STAT3: variants seen among roughly 807,000 people sequenced by gnomAD.
STAT3 encodes the protein signal transducer and activator of transcription 3, also known as DNA-binding protein APRF.
In STAT3, 7 loss-of-function variants were observed where a neutral mutation model predicts 114.3. The observed-to-expected ratio is 0.06, with a 90% CI of 0.03 to 0.11. The LOEUF is 0.11. STAT3 is among the 10% of genes least tolerant of loss of function. STAT3 has a pLI of 1.00. For missense variants in STAT3, 364 were observed against 960.9 expected (o/e 0.38, Z 8.21); for synonymous variants, 331 against 354.5 (o/e 0.93, Z 0.74).
chr17:42,322,997 C>T lies in STAT3; in HGVS notation c.1888+7G>A, dbSNP rs745680968. 1.9e-6 allele frequency: 3 copies of T among 1,613,310 alleles called. No individual in the cohort carries two copies. The highest frequency in any genetic ancestry group is 2.7e-5 in the African/African-American group (2 of 74,876). On this transcript the variant is annotated splice_region_variant and intron_variant, in intron 20 of 23. Coordinates refer to ENST00000264657, the MANE Select transcript of STAT3 (RefSeq NM_139276.3). ...CAGCAGGTGGGGTGGGTGGGAGCCT[C>T]CCTTACCGCTGATGTCCTTCTCCAC...
At chr17:42,331,999 T>G (rs1306261640) in intron 10 of STAT3, among the ~76,000 whole-genome samples, 1 of 151,708 alleles carries the variant, frequency 6.6e-6, no homozygotes, top group Non-Finnish European at 1.5e-5. Context: ...GCAATCTCCG[T>G]TCACCGCAAC....
In STAT3 at chr17:42,337,681, C is replaced by A; in HGVS notation, c.645+82G>T. On this transcript the variant is annotated intron_variant, in intron 7 of 23. Transcript: ENST00000264657. The surrounding 1 kb of genome is among the most constrained non-coding windows in gnomAD (Gnocchi z 4.0). ...CTCCAGAGCAGGAACTTCTTAGAAACCAAGCAAGTTCTGCCACAAGACGCT... is the reference window on the plus strand; with the variant it reads ...CTCCAGAGCAGGAACTTCTTAGAAAACAAGCAAGTTCTGCCACAAGACGCT... 1.9e-6 allele frequency: 3 copies of A among 1,613,482 alleles called. No homozygotes were observed. The highest frequency in any genetic ancestry group is 2.5e-6 in the Non-Finnish European group (3 of 1,179,480).
At chr17:42,360,167 G>A (rs775855215) in intron 1 of STAT3, among the ~76,000 whole-genome samples, 28 of 151,388 alleles carry the variant, frequency 1.8e-4, no homozygotes, top group Non-Finnish European at 2.5e-4. Flanking sequence ...TTTTCGGAAT[G>A]TCTGTTCTTC....
intron 3 of STAT3, among the ~76,000 whole-genome samples, chr17:42,345,931 T>G (rs2082681902): frequency 6.8e-6 from 1 of 147,662 alleles, no homozygotes; most frequent in African/African-American, 2.5e-5. Context: ...TGGAGTGCAG[T>G]GGCGCAATCA....
At chr17:42,382,723 T>C (rs2084869145) in intron 1 of STAT3, among the ~76,000 whole-genome samples, 1 of 151,890 alleles carries the variant, frequency 6.6e-6, no homozygotes, top group Non-Finnish European at 1.5e-5. Flanking sequence ...CTCAGCTCAC[T>C]GCAAGCTCCG....
intron 11 of STAT3, among the ~76,000 whole-genome samples, chr17:42,330,458 A>T (rs1598408308): frequency 1.0e-5 from 1 of 95,378 alleles, no homozygotes; most frequent in Non-Finnish European, 2.1e-5. Context: ...TTTGAGATGG[A>T]GTCTCTGTCG....
At chr17:42,348,957 A>G (rs906691106) in intron 1 of STAT3, among the ~76,000 whole-genome samples, 19 of 152,034 alleles carry the variant, frequency 1.2e-4, no homozygotes, top group African/African-American at 4.1e-4. Flanking sequence ...TGGCATGATC[A>G]TGGGCTCAAG....
In STAT3 at chr17:42,323,577, C is replaced by G; in HGVS notation, c.1649G>C (p.Cys550Ser). The change falls in exon 18 of 24, where the codon TGC becomes TCC. Residue 550 changes from cysteine (C) to serine (S), a missense_variant. Physicochemically the swap from Cys to Ser is moderately radical, Grantham distance 112 (BLOSUM62 -1). Coordinates refer to ENST00000264657, the MANE Select transcript of STAT3 (RefSeq NM_139276.3). The stretch of plus-strand genomic sequence containing the variant: ...GAATTTAACAAGATTGCTTACTTTG[C>G]AAAATTTAGCCCATGTGATCTGACA... ...SGCQITWAKF[C>S]KENMAGKGFS... is the part of the protein sequence containing the mutation. 6.2e-7 allele frequency: 1 copy of G among 1,614,138 alleles called. No individual in the cohort carries two copies.
rs141766120 is a variant in STAT3 at position 42,329,019 on chromosome 17, A to G, written c.1281+391T>C. Among the ~76,000 whole-genome samples the G allele has an allele frequency of 5.1e-4, 77 of 152,232 alleles. 1 individual carries two copies. Among genetic ancestry groups the G allele is most frequent in the African/African-American group, 1.7e-3 (72 of 41,538 alleles). ...CAAATCTGTTGCTTTTACACCCTCT[A>G]TCCCACCTCAGTGGGAGAGAAAAAC... is the stretch of plus-strand genomic sequence containing the variant. On this transcript the variant is annotated intron_variant, in intron 14 of 23. Coordinates refer to ENST00000264657, the MANE Select transcript of STAT3 (RefSeq NM_139276.3).
At chr17:42,376,878 G>C (rs796904420) in intron 1 of STAT3, among the ~76,000 whole-genome samples, 10 of 152,014 alleles carry the variant, frequency 6.6e-5, no homozygotes, top group African/African-American at 1.9e-4. Flanking sequence ...ATGGGTTTGT[G>C]GGGGGTACAA....
At chr17:42,332,142 G>A (rs2082041379) in intron 10 of STAT3, among the ~76,000 whole-genome samples, 1 of 151,466 alleles carries the variant, frequency 6.6e-6, no homozygotes, top group Non-Finnish European at 1.5e-5. Flanking sequence ...GGTCAGGATG[G>A]TCTCGAACTC....
At position 42,324,502 on chromosome 17, in the gene STAT3, C is replaced by A. The variant is rs2081618144; in HGVS notation, c.1600+209G>T. Among the ~76,000 whole-genome samples the A allele has an allele frequency of 6.6e-6, 1 of 152,052 alleles. No homozygotes were observed. Among genetic ancestry groups the A allele is most frequent in the South Asian group, 2.1e-4 (1 of 4,826 alleles). ...CAGGAGAAAAGAAATCTACCTCCCACCTCAAAAATGATCACCTCGACTGAA... is the reference window on the plus strand; with the variant it reads ...CAGGAGAAAAGAAATCTACCTCCCAACTCAAAAATGATCACCTCGACTGAA... On this transcript the variant is annotated intron_variant, in intron 17 of 23. Coordinates refer to ENST00000264657, the MANE Select transcript of STAT3 (RefSeq NM_139276.3). This position sits in a 1 kb window ranked among gnomAD's most constrained non-coding sequence, Gnocchi z 4.5.
At position 42,339,117 on chromosome 17, in the gene STAT3, G is replaced by A. The variant is rs116920984; in HGVS notation, c.468+197C>T. Among the ~76,000 whole-genome samples the A allele has an allele frequency of 0.059, 8,946 of 151,654 alleles. 326 individuals carry two copies. The highest frequency in any genetic ancestry group is 0.074 in the Non-Finnish European group (5,053 of 67,880). ...ATTTTTTTTTTTTAATTAGCTGGGC[G>A]TGGTGGTGCATGCCTGTGGTCCCGG... On this transcript the variant is annotated intron_variant, in intron 5 of 23. Transcript: ENST00000264657.
rs2081148126 is a variant in STAT3 at position 42,313,487 on chromosome 17, AAACCACCTT to A, written c.*2249_*2257del. The A allele has an allele frequency of 4.3e-6, 1 of 230,146 alleles. No individual in the cohort carries two copies. Among genetic ancestry groups the A allele is most frequent in the African/African-American group, 2.2e-5 (1 of 45,098 alleles). The allele number at this position is 230,146 out of a possible 1,614,324, so 14.3% of individuals were successfully genotyped here. On this transcript the variant is annotated 3_prime_UTR_variant, in exon 24 of 24. Coordinates refer to ENST00000264657, the MANE Select transcript of STAT3 (RefSeq NM_139276.3). The stretch of plus-strand genomic sequence containing the variant: ...TGCAGTGGCCAGGACAGCAGCTTAT[AAACCACCTT>A]ATAGGTAGGTAAGCAACCCACGGGA...
rs967009897 is a variant in STAT3, at chr17:42,338,788, C to A, written c.493G>T (p.Val165Leu). The A allele has an allele frequency of 6.2e-7, 1 of 1,613,650 alleles. No individual in the cohort carries two copies. Among genetic ancestry groups the A allele is most frequent in the Admixed American group, 1.7e-5 (1 of 60,018 alleles). ...TCAAAGTCATCCTGGAGATTCTCTA[C>A]CACTTTCATTTTCTGTTCTAGATCC... ...VQDLEQKMKV[V>L]ENLQDDFDFN... Residue 165 changes from valine to leucine, a missense_variant, in exon 6 of 24, where the codon GTA (valine) becomes TTA (leucine). Transcript: ENST00000264657.
chr17:42,343,686 C>T (rs1285426218), intron 4 of STAT3, among the ~76,000 whole-genome samples: 1 of 152,050 alleles, frequency 6.6e-6, no homozygotes, highest in African/African-American at 2.4e-5. Flanking sequence ...ATCTCTTGAC[C>T]TCATGATCTG....
chr17:42,382,282 G>C (rs1386190278), intron 1 of STAT3, among the ~76,000 whole-genome samples: 4 of 152,170 alleles, frequency 2.6e-5, no homozygotes, highest in African/African-American at 7.2e-5. Context: ...CTATGTGCCA[G>C]GCACTATGCT....
At chr17:42,369,576 G>A (rs2083992938) in intron 1 of STAT3, among the ~76,000 whole-genome samples, 1 of 152,102 alleles carries the variant, frequency 6.6e-6, no homozygotes, top group Admixed American at 6.6e-5. Context: ...TTACCCTCAA[G>A]AAACTTGGGC....
At chr17:42,351,897 T>C (rs988624872) in intron 1 of STAT3, among the ~76,000 whole-genome samples, 2 of 152,026 alleles carry the variant, frequency 1.3e-5, no homozygotes, top group Non-Finnish European at 2.9e-5. Flanking sequence ...TAGCTGGGAT[T>C]ATAGGCACGC....
Sources: gnomAD v4.1 joint callset for allele counts (sites outside exome capture counted in the v4.1 genomes callset) on GRCh38, gnomAD v4.1.1 for gene constraint, Gnocchi (gnomAD v3.1) non-coding constraint, MANE v1.5 for transcripts, NCBI Gene and HGNC (gene_info 2026-07-23, HGNC 2026-07-21) for gene names.